The following ELF2 variants were observed in gnomAD, a reference collection of about 807,000 sequenced individuals.
ELF2 encodes E74 like ETS transcription factor 2, also known as ETS-related transcription factor Elf-2.
A neutral mutation model predicts 54.8 loss-of-function variants in ELF2; 11 were observed. The observed-to-expected ratio is 0.20, with a 90% CI of 0.13 to 0.33. ELF2 has a LOEUF of 0.33. Among genes scored for constraint, ELF2 ranks in the 10% least tolerant of loss-of-function variants. ELF2 has a pLI of 1.00. For missense variants in ELF2, 513 were observed against 703.0 expected (o/e 0.73, Z 3.06); for synonymous variants, 203 against 245.1 (o/e 0.83, Z 1.61).
chr4:139,067,606 A>G lies in ELF2; in HGVS notation c.613+78T>C, dbSNP rs775236615. The G allele has an allele frequency of 3.5e-6, 5 of 1,427,882 alleles. No individual in the cohort carries two copies. In the Admixed American group the frequency reaches 8.5e-5, roughly 24 times the overall value. 88.5% of individuals were successfully genotyped at this position (1,427,882 alleles called of 1,614,324 possible). On this transcript the variant is annotated intron_variant, in intron 7 of 9. Transcript: ENST00000686138. ...TCTCATATGTGCATGTACTAGAAAT[A>G]GTTTTCTTACAAATACAAAAATGTC...
At chr4:139,142,850 G>C (rs185828769) in intron 1 of ELF2, among the ~76,000 whole-genome samples, 7 of 149,634 alleles carry the variant, frequency 4.7e-5, no homozygotes, top group Admixed American at 4.7e-4. Context: ...TTGGGCGACA[G>C]AGTGAGACCT....
chr4:139,099,267 A>G (rs1257846735), intron 4 of ELF2, among the ~76,000 whole-genome samples: 1 of 152,226 alleles, frequency 6.6e-6, no homozygotes. Flanking sequence ...ATTGACGGGC[A>G]GTGTCTAAAT....
chr4:139,153,539 A>C (rs1740228001), intron 1 of ELF2, among the ~76,000 whole-genome samples: 1 of 152,202 alleles, frequency 6.6e-6, no homozygotes, highest in South Asian at 2.1e-4. Context: ...AAACTGAGTC[A>C]CGCAAAACTG....
chr4:139,173,539 A>G (rs532358524), intron 1 of ELF2, among the ~76,000 whole-genome samples: 4 of 151,304 alleles, frequency 2.6e-5, no homozygotes, highest in Non-Finnish European at 5.9e-5. Flanking sequence ...CAGGCGGATC[A>G]TGAGGTCAGG....
At chr4:139,107,726 G>T (rs1734558653) in intron 4 of ELF2, among the ~76,000 whole-genome samples, 1 of 151,934 alleles carries the variant, frequency 6.6e-6, no homozygotes. Context: ...TAAACATTTG[G>T]GTATTCTAGA....
chr4:139,084,323 T>C (rs752223243), intron 4 of ELF2: 9 of 1,563,402 alleles, frequency 5.8e-6, no homozygotes, highest in East Asian at 2.3e-5. Flanking sequence ...TCGCACACAC[T>C]CCGACGCCCG....
At chr4:139,112,826 C>T (rs922593348) in intron 4 of ELF2, among the ~76,000 whole-genome samples, 26 of 151,722 alleles carry the variant, frequency 1.7e-4, no homozygotes, top group African/African-American at 6.1e-4. Flanking sequence ...AACCAGGAGG[C>T]GGAAGTTTCA....
chr4:139,150,512 C>G (rs1739762914), intron 1 of ELF2, among the ~76,000 whole-genome samples: 1 of 136,570 alleles, frequency 7.3e-6, no homozygotes, highest in Admixed American at 7.5e-5. Context: ...GAGTGAGACC[C>G]TGTCTCAAAA....
rs137966999 is a variant in ELF2 at position 139,092,486 on chromosome 4, G to T, written c.239-18919C>A. On this transcript the variant is annotated intron_variant, in intron 4 of 9. Transcript: ENST00000686138. ...CATAACATAACATAGGGCCGGGCGC[G>T]GTGGCTCACACCTCTAATCCCACCA... Among the ~76,000 whole-genome samples, 1,142 of 141,392 alleles carry T rather than the reference G, an allele frequency of 8.1e-3. 24 individuals carry two copies. Among genetic ancestry groups the T allele is most frequent in the African/African-American group, 0.028 (1,079 of 37,988 alleles). 92.8% of individuals were successfully genotyped at this position (141,392 alleles called of 152,430 possible).
At chr4:139,092,413 ATACAT>A (rs142909700) in intron 4 of ELF2, among the ~76,000 whole-genome samples, 5,627 of 50,952 alleles carry the variant, frequency 0.11, 311 homozygotes, top group Non-Finnish European at 0.14. Context: ...ATAACATAAC[ATACAT>A]AACATAACAT....
intron 4 of ELF2, among the ~76,000 whole-genome samples, chr4:139,100,881 A>G (rs186117330): frequency 2.4e-4 from 37 of 152,310 alleles, no homozygotes; most frequent in African/African-American, 8.7e-4. Context: ...GGAGGAGGCA[A>G]TAATGAAAAC....
At chr4:139,087,926 A>G (rs941728425) in intron 4 of ELF2, among the ~76,000 whole-genome samples, 12 of 152,100 alleles carry the variant, frequency 7.9e-5, no homozygotes, top group South Asian at 4.1e-4. Flanking sequence ...ATACACTGGG[A>G]AAAAAAATTT....
rs1553962115 is a variant in ELF2 at position 139,104,523 on chromosome 4, A to AG, written c.238+20640_238+20641insC. 5.4e-3 allele frequency among the ~76,000 whole-genome samples: 817 copies of AG among 150,614 alleles called. 5 individuals carry two copies. The highest frequency in any genetic ancestry group is 0.017 in the Middle Eastern group (5 of 292). ...GACTCTGTCTCAAAAAAAAAAAAAA[A>AG]AAAAGAAAAGAAAAGAAAAAATATA... On this transcript the variant is annotated intron_variant, in intron 4 of 9. Transcript: ENST00000686138.
chr4:139,112,331 C>T (rs1471760196), intron 4 of ELF2, among the ~76,000 whole-genome samples: 1 of 152,208 alleles, frequency 6.6e-6, no homozygotes, highest in Non-Finnish European at 1.5e-5. Flanking sequence ...TTAATCCTAT[C>T]ATAATTCTCA....
At chr4:139,112,891 T>C (rs980057349) in intron 4 of ELF2, among the ~76,000 whole-genome samples, 6 of 151,980 alleles carry the variant, frequency 3.9e-5, no homozygotes, top group African/African-American at 4.8e-5. Flanking sequence ...CAAGACTCCG[T>C]ATCAAAAAAG....
chr4:139,088,418 C>T (rs1385726135), intron 4 of ELF2, among the ~76,000 whole-genome samples: 2 of 152,160 alleles, frequency 1.3e-5, no homozygotes, highest in Middle Eastern at 6.8e-3. Context: ...TGAACTCTAC[C>T]CACTGAAAAA....
rs531684219 is a variant in ELF2 at position 139,087,847 on chromosome 4, G to A, written c.239-14280C>T. 3.3e-5 allele frequency among the ~76,000 whole-genome samples: 5 copies of A among 152,242 alleles called. No individual in the cohort carries two copies. The South Asian group carries it at 6.2e-4, about 19-fold the overall frequency. On this transcript the variant is annotated intron_variant, in intron 4 of 9. Transcript: ENST00000686138. ...AGTTAATGATCTCTATAGTTTAAACGACATTTATGACAACTCATTTCAAGG... is the reference window on the plus strand; with the variant it reads ...AGTTAATGATCTCTATAGTTTAAACAACATTTATGACAACTCATTTCAAGG...
At chr4:139,123,967 A>G (rs1448094151) in intron 4 of ELF2, among the ~76,000 whole-genome samples, 1 of 152,200 alleles carries the variant, frequency 6.6e-6, no homozygotes, top group Non-Finnish European at 1.5e-5. Flanking sequence ...ATAAAAAGAT[A>G]TGCACTATAT....
At chr4:139,157,094 T>TA (rs1165195698) in intron 1 of ELF2, among the ~76,000 whole-genome samples, 2 of 152,140 alleles carry the variant, frequency 1.3e-5, no homozygotes, top group African/African-American at 4.8e-5. Flanking sequence ...TACACAGACA[T>TA]AGATGGTGTA....
Sources: gnomAD v4.1 joint callset for allele counts (sites outside exome capture counted in the v4.1 genomes callset) on GRCh38, gnomAD v4.1.1 for gene constraint, MANE v1.5 for transcripts, NCBI Gene and HGNC (gene_info 2026-07-23, HGNC 2026-07-21) for gene names.